The following ASIC2 variants were observed in gnomAD, a reference collection of about 807,000 sequenced individuals.
The protein encoded by ASIC2 is acid sensing ion channel subunit 2, also known as acid-sensing ion channel 2.
In ASIC2, 25 loss-of-function variants were observed where a neutral mutation model predicts 57.3. The observed-to-expected ratio is 0.44, with a 90% CI of 0.32 to 0.61. The LOEUF is 0.61. Among genes scored for constraint, ASIC2 ranks in the 20% least tolerant of loss-of-function variants. The pLI, the probability that ASIC2 is intolerant of heterozygous loss-of-function variation, is 0.06. For missense variants in ASIC2, 641 were observed against 738.1 expected, an observed-to-expected ratio of 0.87 and a Z score of 1.52; for synonymous variants, 319 against 307.5, an observed-to-expected ratio of 1.04 and a Z score of -0.39.
chr17:33,598,797 A>G (rs1284212645), intron 1 of ASIC2, among the ~76,000 whole-genome samples: 1 of 152,224 alleles, frequency 6.6e-6, no homozygotes, highest in Admixed American at 6.5e-5. Flanking sequence ...GTGCCCCACA[A>G]TCAAAGAAGG....
chr17:34,095,646 TATATATATAATTTTATATATATATAGAG>T (rs1406561944), intron 1 of ASIC2, among the ~76,000 whole-genome samples: 1 of 119,012 alleles, frequency 8.4e-6, no homozygotes, highest in East Asian at 2.1e-4. Flanking sequence ...TATATATATA[TATATATATAATTTTATATATATATAGAG>T]AGAGAGATAT....
rs12950326 is a variant in ASIC2 at position 33,902,215 on chromosome 17, T to C, written c.555+253763A>G. On this transcript the variant is annotated intron_variant, in intron 1 of 9. Transcript: ENST00000359872. ...TGAGAATTGTTACTGAAAGCTTATC[T>C]TATTCCTTCAGCCCTACCAATTATT... is the stretch of plus-strand genomic sequence containing the variant. 6.0e-3 allele frequency among the ~76,000 whole-genome samples: 919 copies of C among 152,238 alleles called. 8 individuals are homozygous for C. The highest frequency in any genetic ancestry group is 0.021 in the African/African-American group (875 of 41,536).
At chr17:33,047,839 A>G (rs1037807864) in intron 3 of ASIC2, among the ~76,000 whole-genome samples, 1 of 152,196 alleles carries the variant, frequency 6.6e-6, no homozygotes, top group Non-Finnish European at 1.5e-5. Flanking sequence ...CCTAGATGTA[A>G]TCTTGAATGC....
At chr17:33,540,201 G>A (rs1046748777) in intron 1 of ASIC2, among the ~76,000 whole-genome samples, 8 of 152,166 alleles carry the variant, frequency 5.3e-5, no homozygotes, top group Non-Finnish European at 1.0e-4. Context: ...GGTTGTGGAT[G>A]TCATTTTCTG....
intron 1 of ASIC2, among the ~76,000 whole-genome samples, chr17:33,939,299 C>A (rs1185981253): frequency 1.3e-5 from 2 of 152,224 alleles, no homozygotes; most frequent in Non-Finnish European, 2.9e-5. Context: ...GAAAACGAAT[C>A]AGAGAGGTCA....
intron 1 of ASIC2, among the ~76,000 whole-genome samples, chr17:33,834,832 GA>G (rs1410315750): frequency 6.6e-6 from 1 of 152,180 alleles, no homozygotes; most frequent in Non-Finnish European, 1.5e-5. Flanking sequence ...AAGTTTCTGA[GA>G]GCCCTCCTAT....
intron 1 of ASIC2, among the ~76,000 whole-genome samples, chr17:33,668,370 C>G (rs149650343): frequency 2.5e-3 from 352 of 140,682 alleles, no homozygotes; most frequent in Non-Finnish European, 4.0e-3. Context: ...TTTCTGGAAG[C>G]TCTGGGGGAA....
chr17:33,776,964 C>G (rs970563497), intron 1 of ASIC2, among the ~76,000 whole-genome samples: 1 of 152,198 alleles, frequency 6.6e-6, no homozygotes, highest in Admixed American at 6.5e-5. Context: ...TCCTGAGCAC[C>G]GTGTGACCCT....
chr17:33,244,896 GTAGCTCTGAGTTC>G (rs1240511508), intron 1 of ASIC2, among the ~76,000 whole-genome samples: 1 of 152,210 alleles, frequency 6.6e-6, no homozygotes, highest in Non-Finnish European at 1.5e-5. Context: ...TAGGGAGTGA[GTAGCTCTGAGTTC>G]TGCTCTTGGG....
At chr17:34,134,260 G>A (rs961880209) in intron 1 of ASIC2, among the ~76,000 whole-genome samples, 9 of 152,158 alleles carry the variant, frequency 5.9e-5, no homozygotes, top group African/African-American at 1.9e-4. Flanking sequence ...TGTTGTAAAT[G>A]GTCACTTCTC....
At chr17:33,940,552 C>T (rs1916166686) in intron 1 of ASIC2, among the ~76,000 whole-genome samples, 16 of 150,774 alleles carry the variant, frequency 1.1e-4, no homozygotes, top group Admixed American at 1.1e-3. Flanking sequence ...TCCTTCTTTC[C>T]TTCCTTCCTT....
intron 1 of ASIC2, among the ~76,000 whole-genome samples, chr17:33,956,774 G>A (rs9916110): frequency 0.45 from 67,957 of 152,042 alleles, 15,522 homozygotes; most frequent in Middle Eastern, 0.53. Context: ...GCCAAATACC[G>A]TCTGAGATTC....
chr17:33,025,945 C>T lies in ASIC2; in HGVS notation c.1176G>A (p.Glu392=). ...ACTGACCTAGGGCAGGCTCTGCACACTCCTTGTGCTGCTCAGGGGTACAAA... is the reference window on the plus strand; with the variant it reads ...ACTGACCTAGGGCAGGCTCTGCACATTCCTTGTGCTGCTCAGGGGTACAAA... ...APFCTPEQHK[E]CAEPALGLLA... Residue 392 remains glutamate, a synonymous_variant, in exon 5 of 10, where the codon GAG becomes GAA. Coordinates refer to ENST00000225823, the MANE Select transcript of ASIC2 (RefSeq NM_183377.2). 1.2e-6 allele frequency: 2 copies of T among 1,613,852 alleles called. No individual in the cohort carries two copies. Among genetic ancestry groups the T allele is most frequent in the Non-Finnish European group, 1.7e-6 (2 of 1,179,876 alleles).
intron 3 of ASIC2, among the ~76,000 whole-genome samples, chr17:33,080,504 C>T (rs780423547): frequency 1.3e-5 from 2 of 152,140 alleles, no homozygotes; most frequent in African/African-American, 2.4e-5. Context: ...ATGCCTGAAA[C>T]TGCAGATAGT....
At chr17:33,337,890 G>A (rs1907578527) in intron 1 of ASIC2, among the ~76,000 whole-genome samples, 2 of 150,336 alleles carry the variant, frequency 1.3e-5, no homozygotes, top group Non-Finnish European at 2.9e-5. Flanking sequence ...AAGTGGAAGT[G>A]TTCCTTCTGA....
chr17:33,396,929 G>A (rs1300954583), intron 1 of ASIC2, among the ~76,000 whole-genome samples: 2 of 152,128 alleles, frequency 1.3e-5, no homozygotes, highest in East Asian at 3.8e-4. Context: ...GGCACTGTAG[G>A]TTATAATAGC....
At chr17:33,256,549 C>T (rs184190540) in intron 1 of ASIC2, among the ~76,000 whole-genome samples, 6 of 152,244 alleles carry the variant, frequency 3.9e-5, no homozygotes, top group East Asian at 1.9e-4. Context: ...GGGCCAGGCA[C>T]GGTGGCTCAC....
intron 1 of ASIC2, among the ~76,000 whole-genome samples, chr17:33,917,130 GTTC>G (rs1417940661): frequency 1.3e-5 from 2 of 152,098 alleles, no homozygotes; most frequent in East Asian, 3.9e-4. Context: ...ATATTCTCCA[GTTC>G]TTCTTCCTCC....
intron 1 of ASIC2, among the ~76,000 whole-genome samples, chr17:33,859,293 T>A (rs1387087426): frequency 6.6e-6 from 1 of 152,194 alleles, no homozygotes. Context: ...TTCCTAGTTC[T>A]ATAGCACAAT....
Sources: gnomAD v4.1 joint callset for allele counts (sites outside exome capture counted in the v4.1 genomes callset) on GRCh38, gnomAD v4.1.1 for gene constraint, MANE v1.5 for transcripts, NCBI Gene and HGNC (gene_info 2026-07-23, HGNC 2026-07-21) for gene names.